The following NBPF26 variants were observed in gnomAD, a reference collection of about 807,000 sequenced individuals.
NBPF26 encodes the protein NBPF member 26.
A neutral mutation model predicts 119.6 loss-of-function variants in NBPF26; 79 were observed. That is an observed-to-expected ratio of 0.66 (90% CI 0.55 to 0.80). The LOEUF is 0.80. Among genes scored for constraint, NBPF26 ranks in the 30% least tolerant of loss-of-function variants. NBPF26 has a pLI of 0.00. For missense variants in NBPF26, 800 were observed against 1,198.2 expected, an observed-to-expected ratio of 0.67 and a Z score of 4.91; for synonymous variants, 299 against 457.7, an observed-to-expected ratio of 0.65 and a Z score of 4.43.
rs1232163913 is a variant in NBPF26, at chr1:120,793,306, C to T, written c.561C>T (p.Asp187=). ...GTGAGACTGATGTCAATGAGTGTGA[C>T]ATTCCAGGACACTGCCAGCATGGTG... The change falls in exon 4 of 30, where the codon GAC becomes GAT. Residue 187 remains aspartate (D), a synonymous_variant. Transcript: ENST00000620612. 8 of 1,399,904 alleles carry T rather than the reference C, an allele frequency of 5.7e-6. 2 individuals carry two copies. In the East Asian group the frequency reaches 1.2e-4, roughly 21 times the overall value. The allele number at this position is 1,399,904 out of a possible 1,614,324, so 86.7% of individuals were successfully genotyped here. A position where few individuals can be genotyped will look rare whatever the true frequency, so the allele number is the denominator to read the frequency against.
At chr1:120,768,151 C>A (rs1651214641) in intron 2 of NBPF26, among the ~76,000 whole-genome samples, 1 of 109,948 alleles carries the variant, frequency 9.1e-6, no homozygotes, top group Non-Finnish European at 1.7e-5. Context: ...GGTGGGCCTA[C>A]TTCTGTTCTG....
rs1435460611 is a variant in NBPF26, at chr1:120,807,717, G to A, written c.1064+8G>A. On this transcript the variant is annotated splice_region_variant and intron_variant, in intron 6 of 29. Transcript: ENST00000620612. Reference sequence around the variant, plus strand: ...GCAAGCTGAGGAGCTCAGGTGAGGGGACCCCATGGGGGCAGGCAGGGGGGC... The same window carrying A: ...GCAAGCTGAGGAGCTCAGGTGAGGGAACCCCATGGGGGCAGGCAGGGGGGC... 9 of 1,258,868 alleles carry A rather than the reference G, an allele frequency of 7.1e-6. 1 individual carries two copies. Among genetic ancestry groups the A allele is most frequent in the South Asian group, 6.1e-5 (5 of 81,632 alleles). 78.0% of individuals were successfully genotyped at this position (1,258,868 alleles called of 1,614,324 possible).
rs1377488515 is a variant in NBPF26 at position 120,806,610 on chromosome 1, GATAA to G, written c.961+852_961+855del. On this transcript the variant is annotated intron_variant, in intron 5 of 29. Coordinates refer to ENST00000620612, the Ensembl canonical transcript of NBPF26. Reference sequence around the variant, plus strand: ...TCGTCAAAAAACAAACAAACAAAACGATAAATAAATCAAAAATAAAAATAAAAAG... The same window carrying G: ...TCGTCAAAAAACAAACAAACAAAACGATAAATCAAAAATAAAAATAAAAAG... Among the ~76,000 whole-genome samples, 5 of 124,592 alleles carry G rather than the reference GATAA, an allele frequency of 4.0e-5. 1 individual carries two copies. The highest frequency in any genetic ancestry group is 2.3e-4 in the Admixed American group (3 of 12,922). 81.7% of individuals were successfully genotyped at this position (124,592 alleles called of 152,430 possible). A position where few individuals can be genotyped will look rare whatever the true frequency, so the allele number is the denominator to read the frequency against.
intron 7 of NBPF26, 113 bp downstream of exon 7, chr1:120,808,872 A>G: frequency 2.0e-6 from 1 of 502,412 alleles, no homozygotes; most frequent in Non-Finnish European, 3.2e-6. Context: ...TACTACACCT[A>G]TGTGGCCATG....
In NBPF26 at chr1:120,801,398, A is replaced by G. The variant is rs1284534228; in HGVS notation, c.752-4158A>G. Among the ~76,000 whole-genome samples the G allele has an allele frequency of 1.7e-5, 2 of 114,758 alleles. 1 individual carries two copies. The highest frequency in any genetic ancestry group is 9.1e-5 in the African/African-American group (2 of 21,954). The allele number at this position is 114,758 out of a possible 152,430, so 75.3% of individuals were successfully genotyped here. A position where few individuals can be genotyped will look rare whatever the true frequency, so the allele number is the denominator to read the frequency against. On this transcript the variant is annotated intron_variant, in intron 4 of 29. Coordinates refer to ENST00000620612, the Ensembl canonical transcript of NBPF26. ...GTTGCAGAACTTTTGGAATATGGTA[A>G]AAGACACTGAAATATATGCTTAAAA...
intron 12 of NBPF26, 148 bp downstream of exon 12, chr1:120,815,191 G>A: frequency 4.8e-6 from 3 of 623,188 alleles, no homozygotes; most frequent in Non-Finnish European, 7.9e-6. Context: ...TCTTGGGTAA[G>A]AACAGAGATG....
intron 6 of NBPF26, among the ~76,000 whole-genome samples, chr1:120,808,256 G>C (rs1411676710): frequency 8.2e-6 from 1 of 121,412 alleles, no homozygotes; most frequent in Non-Finnish European, 1.6e-5. Flanking sequence ...GTGAGGAACT[G>C]AAAGGATGTC....
intron 4 of NBPF26, among the ~76,000 whole-genome samples, chr1:120,804,599 C>A (rs1651632400): frequency 8.5e-6 from 1 of 117,532 alleles, no homozygotes; most frequent in Non-Finnish European, 1.7e-5. Context: ...ATGATTTGAT[C>A]ACTTGATACC....
At position 120,817,029 on chromosome 1, in the gene NBPF26, G is replaced by A. The variant is rs1256784961; in HGVS notation, c.2371+202G>A. On this transcript the variant is annotated intron_variant, in intron 14 of 29. Coordinates refer to ENST00000620612, the Ensembl canonical transcript of NBPF26. ...CCAGTATCAAGTTACTCAACCCCAGGCAAGTGTGACAATCTCATAGTCACC... is the reference window on the plus strand; with the variant it reads ...CCAGTATCAAGTTACTCAACCCCAGACAAGTGTGACAATCTCATAGTCACC... 5.1e-5 allele frequency among the ~76,000 whole-genome samples: 6 copies of A among 118,456 alleles called. 1 individual carries two copies. In the East Asian group the frequency reaches 8.3e-4, roughly 16 times the overall value. 77.7% of individuals were successfully genotyped at this position (118,456 alleles called of 152,430 possible). A position where few individuals can be genotyped will look rare whatever the true frequency, so the allele number is the denominator to read the frequency against.
At position 120,801,826 on chromosome 1, in the gene NBPF26, CAA is replaced by C. The variant is rs1168359637; in HGVS notation, c.752-3706_752-3705del. 7.6e-3 allele frequency among the ~76,000 whole-genome samples: 69 copies of C among 9,068 alleles called. 2 individuals carry two copies. Among genetic ancestry groups the C allele is most frequent in the African/African-American group, 0.057 (50 of 884 alleles). The allele number at this position is 9,068 out of a possible 152,430, so 5.9% of individuals were successfully genotyped here. On this transcript the variant is annotated intron_variant, in intron 4 of 29. Coordinates refer to ENST00000620612, the Ensembl canonical transcript of NBPF26. ...TGGGTGACAGAACAAGACCCTGTCTCAAAAAAAAAAAAAAAAAAAAAAAAAGG... is the reference window on the plus strand; with the variant it reads ...TGGGTGACAGAACAAGACCCTGTCTCAAAAAAAAAAAAAAAAAAAAAAAGG...
intron 2 of NBPF26, among the ~76,000 whole-genome samples, chr1:120,767,944 A>C (rs1203882167): frequency 8.5e-6 from 1 of 117,772 alleles, no homozygotes; most frequent in Non-Finnish European, 1.6e-5. Context: ...ATGTGTTTCT[A>C]TTTCTATCAA....
chr1:120,724,308 C>T, intron 1 of NBPF26, 58 bp downstream of exon 1: 1 of 1,363,262 alleles, frequency 7.3e-7, no homozygotes, highest in South Asian at 1.3e-5. Context: ...CCTGGGGCGA[C>T]CCTTCTCCCC....
At chr1:120,804,580 T>G (rs1651631776) in intron 4 of NBPF26, among the ~76,000 whole-genome samples, 3 of 115,654 alleles carry the variant, frequency 2.6e-5, no homozygotes, top group Admixed American at 1.7e-4. Flanking sequence ...TCAGGAGACC[T>G]CTATATAAAT....
rs1318000829 is a variant in NBPF26, at chr1:120,728,426, C to T, written c.73+4176C>T. 4.5e-5 allele frequency among the ~76,000 whole-genome samples: 5 copies of T among 111,346 alleles called. 2 individuals carry two copies. The highest frequency in any genetic ancestry group is 1.1e-4 in the African/African-American group (2 of 18,054). The allele number at this position is 111,346 out of a possible 152,430, so 73.0% of individuals were successfully genotyped here. A position where few individuals can be genotyped will look rare whatever the true frequency, so the allele number is the denominator to read the frequency against. On this transcript the variant is annotated intron_variant, in intron 1 of 29. Transcript: ENST00000620612. ...CCCTTCCCCAGATGTTTCATTTAAACTTGTAATTTTGAATTTCTTTGTGTG... is the reference window on the plus strand; with the variant it reads ...CCCTTCCCCAGATGTTTCATTTAAATTTGTAATTTTGAATTTCTTTGTGTG...
rs1210695875 is a variant in NBPF26 at position 120,790,432 on chromosome 1, C to G, written c.416-2729C>G. Among the ~76,000 whole-genome samples, 4 of 116,288 alleles carry G rather than the reference C, an allele frequency of 3.4e-5. 2 individuals carry two copies. The highest frequency in any genetic ancestry group is 2.0e-4 in the African/African-American group (4 of 19,664). 76.3% of individuals were successfully genotyped at this position (116,288 alleles called of 152,430 possible). On this transcript the variant is annotated intron_variant, in intron 3 of 29. Transcript: ENST00000620612. ...CTATACCTCAGTCAGCTTACTAGCT[C>G]ATCTCCACTCAGAGATGAAGAAGCA...
At chr1:120,806,561 C>G (rs1176873940) in intron 5 of NBPF26, among the ~76,000 whole-genome samples, 1 of 125,082 alleles carries the variant, frequency 8.0e-6, no homozygotes, top group Non-Finnish European at 1.6e-5. Context: ...CTATTGAACT[C>G]CAGCATGGGT....
In NBPF26 at chr1:120,763,629, A is replaced by G. The variant is rs1651156839; in HGVS notation, c.75A>G (p.Ala25=). The change falls in exon 2 of 30, where the codon GCA becomes GCG. Residue 25 remains alanine, a splice_region_variant and synonymous_variant. Coordinates refer to ENST00000620612, the Ensembl canonical transcript of NBPF26. ...ATGTGCATTTGTTTTTATTTTTAGC[A>G]TTGCAGTGTCGAGATGGCTATGAAC... 3.7e-6 allele frequency: 5 copies of G among 1,366,156 alleles called. 1 individual carries two copies. In the Admixed American group the frequency reaches 1.0e-4, roughly 27 times the overall value. The allele number at this position is 1,366,156 out of a possible 1,614,324, so 84.6% of individuals were successfully genotyped here. A position where few individuals can be genotyped will look rare whatever the true frequency, so the allele number is the denominator to read the frequency against.
Position 120,818,564 on chromosome 1 carries a change from A to G in NBPF26, c.2423+390A>G, listed in dbSNP as rs1224598949. ...TTGCTTTGCTTCTCTCGTTATTTTA[A>G]TTGTGATGTTAGGGTGTCAATTTTA... On this transcript the variant is annotated intron_variant, in intron 15 of 29. Transcript: ENST00000620612. Among the ~76,000 whole-genome samples the G allele has an allele frequency of 6.7e-4, 84 of 125,322 alleles. 16 individuals are homozygous for G. The highest frequency in any genetic ancestry group is 1.1e-3 in the Non-Finnish European group (70 of 61,214). 82.2% of individuals were successfully genotyped at this position (125,322 alleles called of 152,430 possible).
chr1:120,841,933 G>T (rs1652526514), downstream of NBPF26, among the ~76,000 whole-genome samples: 3 of 53,646 alleles, frequency 5.6e-5, 1 homozygote, highest in Middle Eastern at 5.7e-3. Context: ...AATCCTCCCT[G>T]CCTGTGTCTA....
Sources: allele counts gnomAD v4.1 joint callset (sites outside exome capture counted in the v4.1 genomes callset), GRCh38; gene constraint gnomAD v4.1.1; transcripts MANE v1.5; gene names NCBI Gene and HGNC (gene_info 2026-07-23, HGNC 2026-07-21).